SLC35D4: variants seen among roughly 807,000 people sequenced by gnomAD.
The protein encoded by SLC35D4 is UDP-N-acetylglucosamine transporter SLC35D4.
chr18:23,421,411 A>G, the SLC35D4 span: 1 of 1,614,122 alleles, frequency 6.2e-7, no homozygotes, highest in Non-Finnish European at 8.5e-7. Flanking sequence ...TCCAGGACAC[A>G]TGAAGCAAAA....
the SLC35D4 span, among the ~76,000 whole-genome samples, chr18:23,246,647 T>C: frequency 3.3e-5 from 5 of 151,728 alleles, 1 homozygote; most frequent in African/African-American, 7.3e-5. Flanking sequence ...CACCTTGGCC[T>C]CCCAAAGTGC....
chr18:23,406,539 C>T, the SLC35D4 span, among the ~76,000 whole-genome samples: 1 of 152,180 alleles, frequency 6.6e-6, no homozygotes, highest in Non-Finnish European at 1.5e-5. Flanking sequence ...CAAAACTGAG[C>T]ATCAATCAAT....
At chr18:23,385,079 C>T in the SLC35D4 span, 4 of 1,607,680 alleles carry the variant, frequency 2.5e-6, no homozygotes, top group Non-Finnish European at 3.4e-6. Context: ...TGAAAGAAAA[C>T]AGAATAAAAA....
At chr18:23,387,195 G>A in the SLC35D4 span, among the ~76,000 whole-genome samples, 1 of 152,190 alleles carries the variant, frequency 6.6e-6, no homozygotes, top group Non-Finnish European at 1.5e-5. Flanking sequence ...ACAGGTGTGA[G>A]CCACTGCCCC....
At chr18:23,249,821 G>A in the SLC35D4 span, among the ~76,000 whole-genome samples, 2,526 of 152,208 alleles carry the variant, frequency 0.017, 75 homozygotes, top group African/African-American at 0.056. Context: ...CCTTGTCTAG[G>A]GAGCTACTCT....
the SLC35D4 span, chr18:23,421,269 A>T: frequency 4.9e-5 from 49 of 992,100 alleles, 1 homozygote; most frequent in South Asian, 6.9e-4. Flanking sequence ...TAAATAAATA[A>T]ACCTCTGTGC....
chr18:23,290,745 G>A, the SLC35D4 span, among the ~76,000 whole-genome samples: 1,694 of 151,144 alleles, frequency 0.011, 37 homozygotes, highest in African/African-American at 0.039. Flanking sequence ...TCCTGCCTCA[G>A]CCTCTCAAGT....
the SLC35D4 span, chr18:23,310,399 G>C: frequency 4.2e-6 from 2 of 477,576 alleles, no homozygotes; most frequent in Non-Finnish European, 5.5e-6. Context: ...AGGAATGGCA[G>C]CCACAGGACT....
At chr18:23,252,918 C>A in the SLC35D4 span, 1 of 1,340,108 alleles carries the variant, frequency 7.5e-7, no homozygotes. Flanking sequence ...TACATACGAC[C>A]CTTGTTTTAA....
chr18:23,385,330 G>C, the SLC35D4 span, among the ~76,000 whole-genome samples: 37 of 152,226 alleles, frequency 2.4e-4, no homozygotes, highest in African/African-American at 8.9e-4. Context: ...ATCCGGTACA[G>C]AGAACACATC....
the SLC35D4 span, among the ~76,000 whole-genome samples, chr18:23,350,852 G>A: frequency 6.6e-6 from 1 of 152,164 alleles, no homozygotes; most frequent in Non-Finnish European, 1.5e-5. Context: ...TGGGAGTGAT[G>A]ATAGGCAAGA....
chr18:23,371,935 G>GTTTTTTTTGTTTTTTTTTTTT, the SLC35D4 span, among the ~76,000 whole-genome samples: 2 of 35,478 alleles, frequency 5.6e-5, no homozygotes, highest in Admixed American at 4.3e-4. Flanking sequence ...TGTTTTTTTT[G>GTTTTTTTTGTTTTTTTTTTTT]TTTTTTTTTT....
chr18:23,358,242 C>T, the SLC35D4 span, among the ~76,000 whole-genome samples: 7 of 152,136 alleles, frequency 4.6e-5, no homozygotes, highest in Non-Finnish European at 7.4e-5. Flanking sequence ...TAATGAGGAA[C>T]GGCGGAGAGG....
the SLC35D4 span, among the ~76,000 whole-genome samples, chr18:23,410,632 C>T: frequency 3.9e-5 from 6 of 151,920 alleles, no homozygotes; most frequent in African/African-American, 1.4e-4. Context: ...TGGTGAAACC[C>T]CTAAAAATAC....
chr18:23,429,238 A>G, the SLC35D4 span, among the ~76,000 whole-genome samples: 12 of 152,160 alleles, frequency 7.9e-5, no homozygotes, highest in Non-Finnish European at 1.6e-4. Flanking sequence ...TCAAATGGTA[A>G]TTCTATTTTT....
chr18:23,332,254 T>G, the SLC35D4 span, among the ~76,000 whole-genome samples: 1 of 152,108 alleles, frequency 6.6e-6, no homozygotes, highest in African/African-American at 2.4e-5. Context: ...GCACACACCA[T>G]AAAATTCACC....
At chr18:23,413,923 G>A in the SLC35D4 span, among the ~76,000 whole-genome samples, 24 of 142,854 alleles carry the variant, frequency 1.7e-4, no homozygotes, top group Non-Finnish European at 3.0e-4. Context: ...CAGCCTGGGC[G>A]ACAGAGGGAG....
the SLC35D4 span, among the ~76,000 whole-genome samples, chr18:23,312,660 C>A: frequency 7.9e-5 from 12 of 152,146 alleles, no homozygotes; most frequent in Non-Finnish European, 1.2e-4. Context: ...CTCCCCAGCA[C>A]GTGGTTTCTA....
chr18:23,334,057 T>C, the SLC35D4 span, among the ~76,000 whole-genome samples: 1 of 152,200 alleles, frequency 6.6e-6, no homozygotes, highest in East Asian at 1.9e-4. Context: ...GAAGTATAGT[T>C]ACCTGATTAT....
Sources: allele counts gnomAD v4.1 joint callset (sites outside exome capture counted in the v4.1 genomes callset), GRCh38; gene constraint gnomAD v4.1.1; transcripts MANE v1.5; gene names NCBI Gene and HGNC (gene_info 2026-07-23, HGNC 2026-07-21).